ABHD2: variants seen among roughly 807,000 people sequenced by gnomAD.
ABHD2 encodes abhydrolase domain containing 2, acylglycerol lipase.
A neutral mutation model predicts 48.1 loss-of-function variants in ABHD2; 20 were observed. The observed-to-expected ratio is 0.42, with a 90% CI of 0.29 to 0.60. The LOEUF (loss-of-function observed/expected upper bound fraction) is 0.60, where lower values mean the gene tolerates loss of function less well. ABHD2 is among the 20% of genes least tolerant of loss of function. The probability of loss-of-function intolerance (pLI) is 0.24; values close to 1 mark genes in which losing one functional copy is unlikely to be tolerated. For synonymous variants in ABHD2, 209 were observed against 214.2 expected (o/e 0.98, Z 0.21); for missense variants, 405 against 550.9 (o/e 0.74, Z 2.65).
At chr15:89,183,571 A>G (rs2051157491) in intron 6 of ABHD2, among the ~76,000 whole-genome samples, 1 of 151,828 alleles carries the variant, frequency 6.6e-6, no homozygotes, top group Non-Finnish European at 1.5e-5. Flanking sequence ...GCCAAAATAA[A>G]CAGTGGAATA....
At chr15:89,093,176 T>A in intron 1 of ABHD2, among the ~76,000 whole-genome samples, 1 of 131,016 alleles carries the variant, frequency 7.6e-6, no homozygotes, top group Non-Finnish European at 1.6e-5. Flanking sequence ...TTTCATTCTT[T>A]TTTTTTTTTT....
At chr15:89,095,667 A>G (rs1183010720) in intron 1 of ABHD2, among the ~76,000 whole-genome samples, 1 of 152,172 alleles carries the variant, frequency 6.6e-6, no homozygotes, top group African/African-American at 2.4e-5. Flanking sequence ...GAGATACAGC[A>G]TGACCTCTCT....
At chr15:89,143,026 T>C (rs1198692353) in intron 3 of ABHD2, among the ~76,000 whole-genome samples, 1 of 152,164 alleles carries the variant, frequency 6.6e-6, no homozygotes, top group Non-Finnish European at 1.5e-5. Flanking sequence ...TACAATACAG[T>C]TAAATTTTAT....
the ABHD2 span, among the ~76,000 whole-genome samples, chr15:89,046,576 C>T: frequency 3.3e-5 from 5 of 151,838 alleles, no homozygotes; most frequent in African/African-American, 9.7e-5. Context: ...AATTTCAGCT[C>T]CTGTTATTGG....
rs1035481189 is a variant in ABHD2 at position 89,150,948 on chromosome 15, G to A, written c.195-729G>A. Among the ~76,000 whole-genome samples the A allele has an allele frequency of 2.0e-4, 30 of 152,276 alleles. 1 individual carries two copies. Among genetic ancestry groups the A allele is most frequent in the Admixed American group, 1.6e-3 (25 of 15,310 alleles). ...TAACTTGGATCATCTTCTTTTCCTG[G>A]TAATTAACTATTTGTGATTTTTGCA... On this transcript the variant is annotated intron_variant, in intron 3 of 10. Coordinates refer to ENST00000352732, the MANE Select transcript of ABHD2 (RefSeq NM_152924.5).
rs143531101 is a variant in ABHD2, at chr15:89,104,245, G to A, written c.-106-9480G>A. On this transcript the variant is annotated intron_variant, in intron 1 of 10. Transcript: ENST00000352732. This position sits in a 1 kb window ranked among gnomAD's most constrained non-coding sequence, Gnocchi z 4.4. ...AGGTGGCAGAATTCAGCATCAGAGA[G>A]CCACACAGCTGAAAGAGATGGATGG... 6.6e-6 allele frequency: 1 copy of A among 152,370 alleles called. No individual in the cohort carries two copies. Among genetic ancestry groups the A allele is most frequent in the African/African-American group, 2.4e-5 (1 of 41,562 alleles). The allele number at this position is 152,370 out of a possible 1,614,324, so 9.4% of individuals were successfully genotyped here. A position where few individuals can be genotyped will look rare whatever the true frequency, so the allele number is the denominator to read the frequency against.
the ABHD2 span, among the ~76,000 whole-genome samples, chr15:89,078,725 CT>C: frequency 3.3e-4 from 47 of 143,692 alleles, 1 homozygote; most frequent in East Asian, 1.2e-3. Flanking sequence ...ACAATGTAGG[CT>C]TTTTTTTTTT....
At chr15:89,113,566 G>A (rs2049909225) in intron 1 of ABHD2, among the ~76,000 whole-genome samples, 159 bp from the exon 2 acceptor site, 1 of 152,222 alleles carries the variant, frequency 6.6e-6, no homozygotes, top group South Asian at 2.1e-4. Flanking sequence ...CAGCAGGCTT[G>A]TTAAAAAGGC....
Position 89,176,222 on chromosome 15 carries a change from T to A in ABHD2, c.722+227T>A, listed in dbSNP as rs1379687635. On this transcript the variant is annotated intron_variant, in intron 6 of 10. Transcript: ENST00000352732. The surrounding 1 kb of genome is among the most constrained non-coding windows in gnomAD (Gnocchi z 4.5). ...CAGCTGCGTTTTGGGGTCAGATCTG[T>A]AATTGGAGAAGTAAAACCCCCTTTG... Among the ~76,000 whole-genome samples, 1 of 152,146 alleles carries A rather than the reference T, an allele frequency of 6.6e-6. No homozygotes were observed. The highest frequency in any genetic ancestry group is 6.5e-5 in the Admixed American group (1 of 15,272).
At chr15:89,149,807 C>T (rs771026918) in intron 3 of ABHD2, among the ~76,000 whole-genome samples, 5 of 152,214 alleles carry the variant, frequency 3.3e-5, no homozygotes, top group Admixed American at 6.5e-5. Flanking sequence ...AGAAGTTAAG[C>T]GAGTACCAGG....
At chr15:89,051,404 C>T in the ABHD2 span, among the ~76,000 whole-genome samples, 1 of 152,178 alleles carries the variant, frequency 6.6e-6, no homozygotes, top group East Asian at 1.9e-4. Context: ...GACTCTCATG[C>T]ACAGCTCTCT....
At chr15:89,070,215 A>C in the ABHD2 span, 1 of 152,196 alleles carries the variant, frequency 6.6e-6, no homozygotes, top group Non-Finnish European at 1.5e-5. Context: ...TTTTTCTTCA[A>C]ACTCCTCCTC....
At position 89,202,094 on chromosome 15, in the gene ABHD2, T is replaced by TG; in HGVS notation, c.*6677dup. The TG allele has an allele frequency of 3.9e-6, 1 of 257,590 alleles. No individual in the cohort carries two copies. Among genetic ancestry groups the TG allele is most frequent in the Admixed American group, 5.1e-5 (1 of 19,484 alleles). The allele number at this position is 257,590 out of a possible 1,614,324, so 16.0% of individuals were successfully genotyped here. ...GAAAGCCTCCGTGCTGCTGGATCTTTGGGGGGAAATACAGGATCCTTCAGC... is the reference window on the plus strand; with the variant it reads ...GAAAGCCTCCGTGCTGCTGGATCTTTGGGGGGGAAATACAGGATCCTTCAGC... On this transcript the variant is annotated 3_prime_UTR_variant, in exon 11 of 11. Transcript: ENST00000352732.
rs1567110513 is a variant in ABHD2 at position 89,185,714 on chromosome 15, A to G, written c.815+198A>G. The stretch of plus-strand genomic sequence containing the variant: ...CCAGGCGCGGTGGCTCACGCCTGTA[A>G]CCCCAGCACTTTGGGAAGCTGAGGC... On this transcript the variant is annotated intron_variant, in intron 7 of 10. Transcript: ENST00000352732. This position sits in a 1 kb window ranked among gnomAD's most constrained non-coding sequence, Gnocchi z 5.9. Among the ~76,000 whole-genome samples the G allele has an allele frequency of 6.6e-6, 1 of 152,182 alleles. No individual in the cohort carries two copies. Among genetic ancestry groups the G allele is most frequent in the Non-Finnish European group, 1.5e-5 (1 of 68,034 alleles).
rs766479514 is a variant in ABHD2 at position 89,184,214 on chromosome 15, G to T, written c.723-1210G>T. 6.6e-6 allele frequency among the ~76,000 whole-genome samples: 1 copy of T among 152,080 alleles called. No homozygotes were observed. Among genetic ancestry groups the T allele is most frequent in the African/African-American group, 2.4e-5 (1 of 41,390 alleles). On this transcript the variant is annotated intron_variant, in intron 6 of 10. Coordinates refer to ENST00000352732, the MANE Select transcript of ABHD2 (RefSeq NM_152924.5). The surrounding 1 kb of genome is among the most constrained non-coding windows in gnomAD (Gnocchi z 5.1). ...TTATTTTTTAACCACGACATTGTGGGAAATGTTTGTCACTCCAAAACTGTG... is the reference window on the plus strand; with the variant it reads ...TTATTTTTTAACCACGACATTGTGGTAAATGTTTGTCACTCCAAAACTGTG...
intron 1 of ABHD2, among the ~76,000 whole-genome samples, chr15:89,110,609 G>A (rs762295549): frequency 6.6e-5 from 10 of 152,122 alleles, no homozygotes; most frequent in Non-Finnish European, 1.3e-4. Context: ...CACAGTGCTA[G>A]GTGCACAGGA....
intron 5 of ABHD2, among the ~76,000 whole-genome samples, chr15:89,170,850 G>A (rs1416733061): frequency 1.3e-5 from 2 of 152,180 alleles, no homozygotes; most frequent in African/African-American, 2.4e-5. Context: ...GGGCGCGGTG[G>A]CTCACACCTG....
chr15:89,102,378 T>G lies in ABHD2; in HGVS notation c.-106-11347T>G, dbSNP rs1430253103. 1 of 152,274 alleles carries G rather than the reference T, an allele frequency of 6.6e-6. No homozygotes were observed. The highest frequency in any genetic ancestry group is 6.5e-5 in the Admixed American group (1 of 15,292). The allele number at this position is 152,274 out of a possible 1,614,324, so 9.4% of individuals were successfully genotyped here. ...TTTTATGGATGCTGTGTATCATACTTCTTTCATAGCCCCCACAGAGGTTAG... is the reference window on the plus strand; with the variant it reads ...TTTTATGGATGCTGTGTATCATACTGCTTTCATAGCCCCCACAGAGGTTAG... On this transcript the variant is annotated intron_variant, in intron 1 of 10. Coordinates refer to ENST00000352732, the MANE Select transcript of ABHD2 (RefSeq NM_152924.5). This position sits in a 1 kb window ranked among gnomAD's most constrained non-coding sequence, Gnocchi z 4.8.
chr15:89,184,026 T>C lies in ABHD2; in HGVS notation c.723-1398T>C, dbSNP rs74029941. Among the ~76,000 whole-genome samples, 70 of 152,254 alleles carry C rather than the reference T, an allele frequency of 4.6e-4. No homozygotes were observed. The highest frequency in any genetic ancestry group is 1.7e-3 in the African/African-American group (70 of 41,542). On this transcript the variant is annotated intron_variant, in intron 6 of 10. Coordinates refer to ENST00000352732, the MANE Select transcript of ABHD2 (RefSeq NM_152924.5). This position sits in a 1 kb window ranked among gnomAD's most constrained non-coding sequence, Gnocchi z 5.1. ...GTCTGGTCCTATACTCTTCCTGTAG[T>C]GCTTGGTTAGAGTCGGGCGGGGGTT...
Sources: allele counts gnomAD v4.1 joint callset (sites outside exome capture counted in the v4.1 genomes callset), GRCh38; gene constraint gnomAD v4.1.1; non-coding constraint Gnocchi (gnomAD v3.1); transcripts MANE v1.5; gene names NCBI Gene and HGNC (gene_info 2026-07-23, HGNC 2026-07-21).